Variants in ADGRB3 observed in about 807,000 individuals in gnomAD.
The protein encoded by ADGRB3 is adhesion G protein-coupled receptor B3, also known as brain-specific angiogenesis inhibitor 3.
Under a neutral mutation model 193.4 loss-of-function variants are expected in ADGRB3, and 37 were observed. The ratio of observed to expected loss-of-function variants is 0.19; its 90% confidence interval spans 0.15 to 0.25. The LOEUF is 0.25. ADGRB3 is among the 10% of genes least tolerant of loss of function. The probability of loss-of-function intolerance (pLI) is 1.00; values close to 1 mark genes in which losing one functional copy is unlikely to be tolerated. For synonymous variants in ADGRB3, 690 were observed against 644.2 expected (o/e 1.07, Z -1.08); for missense variants, 1,637 against 1,852.9 (o/e 0.88, Z 2.14).
chr6:69,235,139 A>G lies in ADGRB3; in HGVS notation c.2711+4A>G, dbSNP rs199896644. 6.3e-5 allele frequency: 99 copies of G among 1,582,928 alleles called. 1 individual carries two copies. The Middle Eastern group carries it at 6.7e-4, about 11-fold the overall frequency. On this transcript the variant is annotated splice_donor_region_variant and intron_variant, in intron 19 of 31. Coordinates refer to ENST00000370598, the MANE Select transcript of ADGRB3 (RefSeq NM_001704.3). ...TTGTCTATGCAGCATTATGGAGGTA[A>G]GTAATCAATTGATAGACCTGAAATG...
chr6:69,260,660 T>C (rs1766903685), intron 20 of ADGRB3, among the ~76,000 whole-genome samples: 1 of 152,142 alleles, frequency 6.6e-6, no homozygotes, highest in Non-Finnish European at 1.5e-5. Flanking sequence ...TGGACTCTGC[T>C]AGTAAAGGTT....
intron 17 of ADGRB3, among the ~76,000 whole-genome samples, chr6:69,135,965 C>T (rs1211317486): frequency 2.0e-5 from 3 of 151,976 alleles, no homozygotes; most frequent in African/African-American, 7.2e-5. Flanking sequence ...TTTGATTTAG[C>T]CTTCACCAGG....
At chr6:69,202,444 C>T (rs1275462255) in intron 17 of ADGRB3, among the ~76,000 whole-genome samples, 1 of 151,878 alleles carries the variant, frequency 6.6e-6, no homozygotes, top group Admixed American at 6.6e-5. Flanking sequence ...TCTGTACTAC[C>T]CACTCCACTT....
chr6:69,061,589 A>G (rs1198137386), intron 15 of ADGRB3, among the ~76,000 whole-genome samples: 1 of 152,052 alleles, frequency 6.6e-6, no homozygotes, highest in Non-Finnish European at 1.5e-5. Context: ...AATTATTTAT[A>G]ATAGCCAAAT....
intron 20 of ADGRB3, among the ~76,000 whole-genome samples, chr6:69,286,396 CT>C (rs1301623088): frequency 1.3e-5 from 2 of 152,142 alleles, no homozygotes; most frequent in Admixed American, 6.6e-5. Context: ...TTGCTTTCTA[CT>C]TTCAACTGTT....
At chr6:68,788,601 G>A (rs1767027353) in intron 3 of ADGRB3, among the ~76,000 whole-genome samples, 1 of 152,118 alleles carries the variant, frequency 6.6e-6, no homozygotes, top group African/African-American at 2.4e-5. Context: ...GAGTAGGTGT[G>A]GTGTGGTGCC....
At position 68,747,673 on chromosome 6, in the gene ADGRB3, T is replaced by C. The variant is rs181661974; in HGVS notation, c.757+108241T>C. On this transcript the variant is annotated intron_variant, in intron 3 of 31. Coordinates refer to ENST00000370598, the MANE Select transcript of ADGRB3 (RefSeq NM_001704.3). ...AAGGAAGAAGATTGATATGAAAGTG[T>C]GAAATGGAAGAATCTTTGAATAGTT... 3.1e-3 allele frequency among the ~76,000 whole-genome samples: 468 copies of C among 152,284 alleles called. 4 individuals are homozygous for C. Among genetic ancestry groups the C allele is most frequent in the Non-Finnish European group, 4.5e-3 (305 of 68,016 alleles).
intron 3 of ADGRB3, among the ~76,000 whole-genome samples, chr6:68,929,849 C>G (rs79243032): frequency 0.096 from 14,490 of 151,262 alleles, 915 homozygotes; most frequent in Non-Finnish European, 0.14. Context: ...TTTTTTCTGC[C>G]TTTCTTGAAA....
chr6:68,839,404 T>C (rs1206214746), intron 3 of ADGRB3, among the ~76,000 whole-genome samples: 1 of 152,206 alleles, frequency 6.6e-6, no homozygotes, highest in Non-Finnish European at 1.5e-5. Context: ...AAGAGCCGTA[T>C]GCCAAAAGGC....
At chr6:69,014,576 A>T (rs2343396) in intron 12 of ADGRB3, among the ~76,000 whole-genome samples, 64,239 of 151,524 alleles carry the variant, frequency 0.42, 14,293 homozygotes, top group African/African-American at 0.47. Context: ...ATGATTTTTT[A>T]AAAATCTTTT....
At chr6:69,256,734 C>G (rs574584668) in intron 20 of ADGRB3, among the ~76,000 whole-genome samples, 68 of 152,324 alleles carry the variant, frequency 4.5e-4, no homozygotes, top group African/African-American at 1.6e-3. Flanking sequence ...GAACTTCCAA[C>G]ACTATGCTGA....
At chr6:69,177,891 G>A (rs1198324590) in intron 17 of ADGRB3, among the ~76,000 whole-genome samples, 1 of 152,198 alleles carries the variant, frequency 6.6e-6, no homozygotes, top group Non-Finnish European at 1.5e-5. Flanking sequence ...TCCATGTGCA[G>A]ATGAGGAAAA....
intron 3 of ADGRB3, among the ~76,000 whole-genome samples, chr6:68,684,360 C>A (rs1432041829): frequency 6.6e-6 from 1 of 152,120 alleles, no homozygotes; most frequent in Non-Finnish European, 1.5e-5. Flanking sequence ...CATTCTATTG[C>A]ATTGTTACAG....
intron 17 of ADGRB3, among the ~76,000 whole-genome samples, chr6:69,190,171 T>C (rs1765158075): frequency 6.6e-6 from 1 of 152,128 alleles, no homozygotes; most frequent in South Asian, 2.1e-4. Flanking sequence ...AAAAAAAAGT[T>C]AACTATAAAG....
intron 3 of ADGRB3, among the ~76,000 whole-genome samples, chr6:68,870,106 GC>G (rs1765415787): frequency 6.6e-6 from 1 of 152,182 alleles, no homozygotes; most frequent in Non-Finnish European, 1.5e-5. Context: ...TAATGTGGAA[GC>G]CAAACTTATC....
At chr6:69,305,670 A>G (rs962286964) in intron 20 of ADGRB3, among the ~76,000 whole-genome samples, 5 of 151,140 alleles carry the variant, frequency 3.3e-5, no homozygotes, top group Non-Finnish European at 7.4e-5. Flanking sequence ...AGCCATGGTG[A>G]CGTTTGTGGA....
chr6:68,904,100 A>C (rs778340630), intron 3 of ADGRB3, among the ~76,000 whole-genome samples: 1 of 59,970 alleles, frequency 1.7e-5, no homozygotes. Flanking sequence ...GGAGGAAGGA[A>C]GGAAGGAAGG....
chr6:69,230,148 A>G (rs1345203666), intron 17 of ADGRB3, among the ~76,000 whole-genome samples: 1 of 152,194 alleles, frequency 6.6e-6, no homozygotes, highest in Non-Finnish European at 1.5e-5. Context: ...ATAGGACACT[A>G]TGAAAAGTAA....
chr6:69,202,204 T>C (rs1159172628), intron 17 of ADGRB3, among the ~76,000 whole-genome samples: 1 of 152,184 alleles, frequency 6.6e-6, no homozygotes, highest in Non-Finnish European at 1.5e-5. Context: ...GCAAGTTGTC[T>C]CATAAAAATG....
Sources: gnomAD v4.1 joint callset for allele counts (sites outside exome capture counted in the v4.1 genomes callset) on GRCh38, gnomAD v4.1.1 for gene constraint, MANE v1.5 for transcripts, NCBI Gene and HGNC (gene_info 2026-07-23, HGNC 2026-07-21) for gene names.